The following USP47 variants were observed in gnomAD, a reference collection of about 807,000 sequenced individuals.
USP47 encodes the protein ubiquitin carboxyl-terminal hydrolase 47.
Under a neutral mutation model 165.1 loss-of-function variants are expected in USP47, and 35 were observed. The observed-to-expected ratio is 0.21, with a 90% confidence interval of 0.16 to 0.28. USP47 has a LOEUF of 0.28. Among genes scored for constraint, USP47 ranks in the 10% least tolerant of loss-of-function variants. The probability of loss-of-function intolerance (pLI) is 1.00; values close to 1 mark genes in which losing one functional copy is unlikely to be tolerated. For synonymous variants in USP47, 531 were observed against 544.5 expected (o/e 0.98, Z 0.35); for missense variants, 1,277 against 1,607.4 (o/e 0.79, Z 3.52).
intron 1 of USP47, among the ~76,000 whole-genome samples, chr11:11,861,146 G>A (rs1849358445): frequency 6.6e-6 from 1 of 152,208 alleles, no homozygotes; most frequent in South Asian, 2.1e-4. Flanking sequence ...CCAAGCTGGA[G>A]TATAGTGACA....
At chr11:11,854,381 C>G (rs942425020) in intron 1 of USP47, among the ~76,000 whole-genome samples, 6 of 147,084 alleles carry the variant, frequency 4.1e-5, no homozygotes, top group African/African-American at 1.5e-4. Context: ...TGACATTGGA[C>G]AAATTCCTTA....
At position 11,936,368 on chromosome 11, in the gene USP47, T is replaced by G; in HGVS notation, c.1935T>G (p.His645Gln). Reference sequence around the variant, plus strand: ...GCCTTGTTAAATATGATGAGTTTCATGATTATCTAGAACGGTCATATGAAG... The same window carrying G: ...GCCTTGTTAAATATGATGAGTTTCAGGATTATCTAGAACGGTCATATGAAG... ...CCRLVKYDEFHDYLERSYEGE... is the reference protein window; with the variant it reads ...CCRLVKYDEFQDYLERSYEGE... Residue 645 changes from histidine to glutamine, a missense_variant, in exon 17 of 28, where the codon CAT becomes CAG. By Grantham distance (24) the His-to-Gln change is conservative. Transcript: ENST00000527733. The G allele has an allele frequency of 6.2e-7, 1 of 1,609,492 alleles. No homozygotes were observed. The highest frequency in any genetic ancestry group is 1.1e-5 in the South Asian group (1 of 90,720).
chr11:11,948,099 A>G lies in USP47; in HGVS notation c.3246A>G (p.Ser1082=). Residue 1082 remains serine, a synonymous_variant, in exon 21 of 28, where the codon TCA becomes TCG. Coordinates refer to ENST00000527733, the MANE Select transcript of USP47 (RefSeq NM_001282659.2). ...FESVRLNETL[S]SFSDDNKITI... Reference sequence around the variant, plus strand: ...GCGTCCGGCTGAATGAGACACTTTCATCATTTTCTGATGACAATAAGGTTG... The same window carrying G: ...GCGTCCGGCTGAATGAGACACTTTCGTCATTTTCTGATGACAATAAGGTTG... The G allele has an allele frequency of 1.2e-6, 2 of 1,610,688 alleles. No individual in the cohort carries two copies. The highest frequency in any genetic ancestry group is 8.5e-7 in the Non-Finnish European group (1 of 1,178,982).
chr11:11,901,973 A>AAAAGAGGG (rs1852259278), intron 5 of USP47, among the ~76,000 whole-genome samples: 1 of 151,956 alleles, frequency 6.6e-6, no homozygotes, highest in Non-Finnish European at 1.5e-5. Context: ...AAAAAAAAAA[A>AAAAGAGGG]AAAGAGGGAA....
At chr11:11,866,325 C>T (rs1410349392) in intron 1 of USP47, among the ~76,000 whole-genome samples, 1 of 152,128 alleles carries the variant, frequency 6.6e-6, no homozygotes, top group East Asian at 1.9e-4. Context: ...CAGGATAAGA[C>T]TCAAGGCTCA....
At chr11:11,883,143 CA>C (rs1850938238) in intron 2 of USP47, among the ~76,000 whole-genome samples, 1 of 152,158 alleles carries the variant, frequency 6.6e-6, no homozygotes, top group African/African-American at 2.4e-5. Context: ...CATGTCCCAC[CA>C]GTGACTTTAA....
At chr11:11,914,617 GTCTA>G (rs150891486) in intron 8 of USP47, among the ~76,000 whole-genome samples, 2,205 of 152,022 alleles carry the variant, frequency 0.015, 43 homozygotes, top group African/African-American at 0.05. Context: ...TTTGCAAGCT[GTCTA>G]TCTGACAAAG....
chr11:11,872,900 A>G (rs1388883295), intron 1 of USP47, among the ~76,000 whole-genome samples: 2 of 152,202 alleles, frequency 1.3e-5, no homozygotes, highest in African/African-American at 4.8e-5. Flanking sequence ...TGGTTTGTCT[A>G]TATAATGGAA....
At chr11:11,846,459 A>G (rs1162736077) in intron 1 of USP47, among the ~76,000 whole-genome samples, 1 of 152,154 alleles carries the variant, frequency 6.6e-6, no homozygotes, top group Non-Finnish European at 1.5e-5. Context: ...TGGACTCTAA[A>G]TCCAGAGAAA....
chr11:11,860,068 C>T (rs1257558845), intron 1 of USP47, among the ~76,000 whole-genome samples: 2 of 148,726 alleles, frequency 1.3e-5, no homozygotes, highest in South Asian at 2.1e-4. Flanking sequence ...CGCGCCACTG[C>T]ACTCCAGCCT....
intron 1 of USP47, among the ~76,000 whole-genome samples, chr11:11,865,229 T>G (rs1333685448): frequency 6.6e-6 from 1 of 152,176 alleles, no homozygotes; most frequent in Non-Finnish European, 1.5e-5. Flanking sequence ...CAGTTATTTC[T>G]TTGAGTACTT....
intron 1 of USP47, among the ~76,000 whole-genome samples, chr11:11,847,628 A>G (rs935019802): frequency 6.6e-6 from 1 of 152,072 alleles, no homozygotes; most frequent in African/African-American, 2.4e-5. Flanking sequence ...TTTTTCTCAC[A>G]TATAGTTCAC....
chr11:11,863,979 G>T (rs2134206704), intron 1 of USP47, among the ~76,000 whole-genome samples: 1 of 152,202 alleles, frequency 6.6e-6, no homozygotes, highest in Admixed American at 6.5e-5. Flanking sequence ...CTTAGAAATT[G>T]AGATCTGGGT....
chr11:11,920,569 G>A (rs1441456415), intron 10 of USP47, 75 bp downstream of exon 10: 17 of 1,384,266 alleles, frequency 1.2e-5, no homozygotes, highest in Non-Finnish European at 1.5e-5. Flanking sequence ...AGCTGTTTGA[G>A]GTAATAACAC....
rs554803401 is a variant in USP47 at position 11,886,351 on chromosome 11, T to TA, written c.357+1773dup. 1.1e-3 allele frequency among the ~76,000 whole-genome samples: 160 copies of TA among 152,178 alleles called. No individual in the cohort carries two copies. In the Middle Eastern group the frequency reaches 0.014, roughly 13 times the overall value. On this transcript the variant is annotated intron_variant, in intron 3 of 27. Coordinates refer to ENST00000527733, the MANE Select transcript of USP47 (RefSeq NM_001282659.2). ...AATGTAAAGAAGCTAAGAATCGTGA[T>TA]AATACAGGAGCTGACAGCCAGAATA...
At chr11:11,848,888 C>G (rs532246451) in intron 1 of USP47, among the ~76,000 whole-genome samples, 7 of 152,128 alleles carry the variant, frequency 4.6e-5, no homozygotes, top group African/African-American at 1.7e-4. Flanking sequence ...GGATTACAGG[C>G]GTGAGCCACC....
At chr11:11,915,442 C>T (rs1853343027) in intron 8 of USP47, among the ~76,000 whole-genome samples, 1 of 151,962 alleles carries the variant, frequency 6.6e-6, no homozygotes, top group Non-Finnish European at 1.5e-5. Flanking sequence ...AATATATGAA[C>T]CTCTACAGGT....
At chr11:11,919,022 G>A (rs1853633038) in intron 8 of USP47, among the ~76,000 whole-genome samples, 1 of 139,390 alleles carries the variant, frequency 7.2e-6, no homozygotes. Context: ...GCATGGTCAT[G>A]TGGAAAAAAA....
chr11:11,901,453 A>G, intron 5 of USP47, among the ~76,000 whole-genome samples: 1 of 152,176 alleles, frequency 6.6e-6, no homozygotes, highest in Admixed American at 6.5e-5. Context: ...TACATTACCA[A>G]CTTTAGTACC....
Sources: allele counts gnomAD v4.1 joint callset (sites outside exome capture counted in the v4.1 genomes callset), GRCh38; gene constraint gnomAD v4.1.1; transcripts MANE v1.5; gene names NCBI Gene and HGNC (gene_info 2026-07-23, HGNC 2026-07-21).